FBXO34: variants seen among roughly 807,000 people sequenced by gnomAD.
The protein encoded by FBXO34 is F-box only protein 34.
Under a neutral mutation model 24.5 loss-of-function variants are expected in FBXO34, and 12 were observed. That is an observed-to-expected ratio of 0.49 (90% CI 0.31 to 0.79). The LOEUF (loss-of-function observed/expected upper bound fraction) is 0.79. FBXO34 is among the 30% of genes least tolerant of loss of function. FBXO34 has a pLI of 0.04. For synonymous variants in FBXO34, 320 were observed against 311.9 expected (o/e 1.03, Z -0.27); for missense variants, 823 against 857.7 (o/e 0.96, Z 0.51).
At chr14:55,311,820 T>G (rs1209971816) in intron 1 of FBXO34, among the ~76,000 whole-genome samples, 1 of 151,186 alleles carries the variant, frequency 6.6e-6, no homozygotes, top group Non-Finnish European at 1.5e-5. Flanking sequence ...CTCCACCTCC[T>G]GGGTTCAAGA....
At chr14:55,330,512 G>A (rs1883497743) in intron 1 of FBXO34, among the ~76,000 whole-genome samples, 1 of 152,008 alleles carries the variant, frequency 6.6e-6, no homozygotes, top group South Asian at 2.1e-4. Context: ...AGTCATTTGT[G>A]GTGATTCACA....
chr14:55,379,243 G>T, the FBXO34 span, among the ~76,000 whole-genome samples: 11 of 152,060 alleles, frequency 7.2e-5, no homozygotes, highest in Admixed American at 2.6e-4. Flanking sequence ...TATTTAAAGG[G>T]GGAAGATGAT....
At chr14:55,380,149 G>C in the FBXO34 span, among the ~76,000 whole-genome samples, 1 of 152,172 alleles carries the variant, frequency 6.6e-6, no homozygotes, top group South Asian at 2.1e-4. Context: ...ACAGGAGGCT[G>C]AGGAGGGAGG....
At chr14:55,326,240 A>G (rs924017824) in intron 1 of FBXO34, among the ~76,000 whole-genome samples, 21 of 152,252 alleles carry the variant, frequency 1.4e-4, no homozygotes, top group Admixed American at 1.4e-3. Flanking sequence ...ATTAAGGTCC[A>G]TTTCCCTCCC....
At chr14:55,425,625 A>G in the FBXO34 span, among the ~76,000 whole-genome samples, 1 of 152,200 alleles carries the variant, frequency 6.6e-6, no homozygotes, top group Non-Finnish European at 1.5e-5. Flanking sequence ...AAGATTGAGA[A>G]TATCGAACAC....
At chr14:55,424,537 G>A in the FBXO34 span, among the ~76,000 whole-genome samples, 1 of 152,182 alleles carries the variant, frequency 6.6e-6, no homozygotes, top group Non-Finnish European at 1.5e-5. Context: ...AGTGTATTGA[G>A]AGCTTGTTGG....
At chr14:55,434,838 G>A in the FBXO34 span, among the ~76,000 whole-genome samples, 1 of 152,202 alleles carries the variant, frequency 6.6e-6, no homozygotes. Context: ...GGGTTCCTAC[G>A]AATGTGACCT....
chr14:55,294,206 A>G (rs572830498), intron 1 of FBXO34, among the ~76,000 whole-genome samples: 23 of 152,134 alleles, frequency 1.5e-4, no homozygotes, highest in East Asian at 9.6e-4. Context: ...TATTATGACT[A>G]TTGTCTCTCT....
chr14:55,430,202 C>G, the FBXO34 span, among the ~76,000 whole-genome samples: 1 of 152,084 alleles, frequency 6.6e-6, no homozygotes, highest in Non-Finnish European at 1.5e-5. Context: ...ATTCCACCCC[C>G]CTCATGGGTT....
downstream of FBXO34, among the ~76,000 whole-genome samples, chr14:55,355,660 A>G (rs970531160): frequency 6.6e-6 from 1 of 152,214 alleles, no homozygotes; most frequent in South Asian, 2.1e-4. Context: ...ATATGCAAAT[A>G]CTAAGCCATT....
At chr14:55,339,323 C>G (rs1761068651) in intron 1 of FBXO34, 2 of 151,390 alleles carry the variant, frequency 1.3e-5, no homozygotes, top group African/African-American at 2.4e-5. Flanking sequence ...GTAATATATA[C>G]TGACATTCAG....
chr14:55,312,879 A>G (rs1179237467), intron 1 of FBXO34, among the ~76,000 whole-genome samples: 1 of 152,244 alleles, frequency 6.6e-6, no homozygotes, highest in Non-Finnish European at 1.5e-5. Flanking sequence ...GACCTCTGGC[A>G]TGCCCTGGAG....
intron 1 of FBXO34, among the ~76,000 whole-genome samples, chr14:55,307,909 C>T (rs1447057010): frequency 6.6e-6 from 1 of 152,174 alleles, no homozygotes; most frequent in African/African-American, 2.4e-5. Flanking sequence ...GCTGTGCCCC[C>T]ACCCAAATCT....
the FBXO34 span, among the ~76,000 whole-genome samples, chr14:55,377,044 T>C: frequency 6.6e-6 from 1 of 152,126 alleles, no homozygotes; most frequent in South Asian, 2.1e-4. Flanking sequence ...TCAGATTGAC[T>C]CAGTGATAAG....
chr14:55,351,841 T>G lies in FBXO34; in HGVS notation c.1451T>G (p.Phe484Cys). ...CEDPVPGMLF[F>C]LPPGQHLSDY... ...GACCCAGTTCCAGGGATGTTGTTTT[T>G]TTTGCCACCTGGTCAGCACTTGTCA... The change falls in exon 2 of 2, where the codon TTT becomes TGT. Residue 484 changes from phenylalanine to cysteine, a missense_variant. Physicochemically the swap from Phe to Cys is radical, Grantham distance 205. Coordinates refer to ENST00000313833, the MANE Select transcript of FBXO34 (RefSeq NM_017943.4). 6.2e-7 allele frequency: 1 copy of G among 1,614,190 alleles called. No individual in the cohort carries two copies. Among genetic ancestry groups the G allele is most frequent in the Middle Eastern group, 1.6e-4 (1 of 6,062 alleles).
the FBXO34 span, among the ~76,000 whole-genome samples, chr14:55,391,458 G>A: frequency 1.5e-5 from 2 of 135,938 alleles, no homozygotes; most frequent in Admixed American, 7.7e-5. Flanking sequence ...CCTGGCAACT[G>A]AGTGAGACTC....
At chr14:55,440,388 A>G in the FBXO34 span, 1 of 1,612,960 alleles carries the variant, frequency 6.2e-7, no homozygotes, top group Non-Finnish European at 8.5e-7. Flanking sequence ...CAGTGGCGGC[A>G]GCCTCACCTG....
downstream of FBXO34, chr14:55,369,345 T>C: frequency 3.8e-6 from 1 of 264,182 alleles, no homozygotes; most frequent in Non-Finnish European, 7.1e-6. Context: ...TTGGCAGAAC[T>C]GGCCACACGC....
the FBXO34 span, among the ~76,000 whole-genome samples, chr14:55,407,731 A>G: frequency 2.6e-5 from 4 of 152,230 alleles, no homozygotes; most frequent in Non-Finnish European, 4.4e-5. Context: ...AATAAATAAT[A>G]TTACACATTG....
Sources: allele counts gnomAD v4.1 joint callset (sites outside exome capture counted in the v4.1 genomes callset), GRCh38; gene constraint gnomAD v4.1.1; transcripts MANE v1.5; gene names NCBI Gene and HGNC (gene_info 2026-07-23, HGNC 2026-07-21).